CHLSN: variants seen among roughly 807,000 people sequenced by gnomAD.
CHLSN encodes the protein cholesin, also known as protein cholesin.
the CHLSN span, among the ~76,000 whole-genome samples, chr7:1,135,930 AAT>A: frequency 4.1e-5 from 5 of 121,992 alleles, no homozygotes; most frequent in South Asian, 6.6e-4. Context: ...AGTATATATA[AAT>A]ATATAAGTAT....
the CHLSN span, among the ~76,000 whole-genome samples, chr7:1,099,883 C>T: frequency 1.3e-5 from 2 of 152,230 alleles, no homozygotes; most frequent in African/African-American, 2.4e-5. Flanking sequence ...GTGCAGCAGA[C>T]GCACCTGACG....
chr7:1,020,659 A>C, the CHLSN span, among the ~76,000 whole-genome samples: 1 of 151,776 alleles, frequency 6.6e-6, no homozygotes, highest in Non-Finnish European at 1.5e-5. Flanking sequence ...TACCGAACCC[A>C]CCTCCCGAGC....
At chr7:984,346 C>G in the CHLSN span, 1 of 1,478,658 alleles carries the variant, frequency 6.8e-7, no homozygotes, top group Non-Finnish European at 8.9e-7. Flanking sequence ...CAGGCCCGGC[C>G]TGAGGGGACC....
chr7:1,051,812 A>G, the CHLSN span, among the ~76,000 whole-genome samples: 2 of 152,174 alleles, frequency 1.3e-5, no homozygotes, highest in Non-Finnish European at 2.9e-5. Context: ...TGTCTCAAAA[A>G]ACGTTAAATG....
At chr7:1,126,627 G>A in the CHLSN span, among the ~76,000 whole-genome samples, 2 of 152,124 alleles carry the variant, frequency 1.3e-5, no homozygotes, top group African/African-American at 4.8e-5. Context: ...GTTGCACTGA[G>A]CTGAGATCCC....
chr7:1,093,503 C>T, the CHLSN span: 1 of 470,680 alleles, frequency 2.1e-6, no homozygotes, highest in Non-Finnish European at 4.4e-6. Context: ...CAGCGCTCGG[C>T]CCGGAGCAGC....
At chr7:983,095 C>T in the CHLSN span, 44,867 of 900,628 alleles carry the variant, frequency 0.05, 1,311 homozygotes, top group South Asian at 0.067. Context: ...CTGCTCGTTC[C>T]ACATTCTCGG....
At chr7:1,042,417 TC>T in the CHLSN span, among the ~76,000 whole-genome samples, 1 of 151,828 alleles carries the variant, frequency 6.6e-6, no homozygotes, top group Non-Finnish European at 1.5e-5. Flanking sequence ...TGCCCACCCT[TC>T]CCCCCACCAA....
At chr7:983,445 C>G in the CHLSN span, 3,814 of 1,362,152 alleles carry the variant, frequency 2.8e-3, 6 homozygotes, top group Non-Finnish European at 3.4e-3. Flanking sequence ...CCTGGCCCCC[C>G]TCCTGGGGAA....
the CHLSN span, chr7:1,137,988 C>CCGCGCCGGGA: frequency 2.4e-5 from 3 of 125,750 alleles, no homozygotes; most frequent in Admixed American, 1.5e-4. Context: ...GTGTCGGAGC[C>CCGCGCCGGGA]CGCGCCGGGA....
chr7:1,051,586 G>A, the CHLSN span, among the ~76,000 whole-genome samples: 240 of 152,346 alleles, frequency 1.6e-3, no homozygotes, highest in African/African-American at 5.3e-3. Flanking sequence ...ATCCAAATGA[G>A]ACTGGTCAGA....
chr7:1,035,336 G>T, the CHLSN span, among the ~76,000 whole-genome samples: 1 of 152,244 alleles, frequency 6.6e-6, no homozygotes, highest in South Asian at 2.1e-4. Context: ...TTGCATGCAT[G>T]CATCTTTATG....
chr7:1,122,036 AGGCTCCGCC>A, the CHLSN span, among the ~76,000 whole-genome samples: 2 of 152,188 alleles, frequency 1.3e-5, no homozygotes, highest in Non-Finnish European at 2.9e-5. Context: ...CCCTCGACTG[AGGCTCCGCC>A]GGCTCGCAGC....
the CHLSN span, chr7:988,463 C>T: frequency 1.9e-6 from 3 of 1,609,234 alleles, no homozygotes; most frequent in South Asian, 2.2e-5. Flanking sequence ...CTCCAGGGCT[C>T]CAGGGGTGGG....
At chr7:1,084,711 T>A in the CHLSN span, among the ~76,000 whole-genome samples, 1 of 152,300 alleles carries the variant, frequency 6.6e-6, no homozygotes, top group East Asian at 1.9e-4. Context: ...GCACCCCCAC[T>A]GTACAGATGG....
At chr7:1,106,603 A>G in the CHLSN span, among the ~76,000 whole-genome samples, 1 of 152,156 alleles carries the variant, frequency 6.6e-6, no homozygotes, top group Non-Finnish European at 1.5e-5. Context: ...AGGCGGGAGA[A>G]CAGGTGCAGC....
the CHLSN span, among the ~76,000 whole-genome samples, chr7:1,052,953 G>A: frequency 6.6e-6 from 1 of 152,192 alleles, no homozygotes; most frequent in African/African-American, 2.4e-5. This position sits in a 1 kb window ranked among gnomAD's most constrained non-coding sequence, Gnocchi z 4.2. Flanking sequence ...AGGCTCATCT[G>A]GGCTTTCTCT....
At chr7:1,056,307 G>A in the CHLSN span, 749 of 153,126 alleles carry the variant, frequency 4.9e-3, 1 homozygote, top group Non-Finnish European at 8.0e-3. Context: ...TGGCAGCGCT[G>A]TGGCGGCACT....
chr7:983,598 C>A, the CHLSN span, among the ~76,000 whole-genome samples: 3 of 152,206 alleles, frequency 2.0e-5, no homozygotes, highest in African/African-American at 7.2e-5. Context: ...ACGAAGAAGC[C>A]CTGGAGGTGC....
Sources: allele counts gnomAD v4.1 joint callset (sites outside exome capture counted in the v4.1 genomes callset), GRCh38; gene constraint gnomAD v4.1.1; non-coding constraint Gnocchi (gnomAD v3.1); transcripts MANE v1.5; gene names NCBI Gene and HGNC (gene_info 2026-07-23, HGNC 2026-07-21).